The following NRG3 variants were observed in gnomAD, a reference collection of about 807,000 sequenced individuals.
NRG3 encodes neuregulin 3.
A neutral mutation model predicts 66.9 loss-of-function variants in NRG3; 31 were observed. The ratio of observed to expected loss-of-function variants is 0.46; its 90% confidence interval spans 0.35 to 0.63. The LOEUF (loss-of-function observed/expected upper bound fraction) is 0.63, where lower values mean the gene tolerates loss of function less well. Among genes scored for constraint, NRG3 ranks in the 20% least tolerant of loss-of-function variants. The pLI is 0.00. For synonymous variants in NRG3, 393 were observed against 359.4 expected, an observed-to-expected ratio of 1.09 and a Z score of -1.06; for missense variants, 910 against 878.9, an observed-to-expected ratio of 1.04 and a Z score of -0.45.
chr10:82,978,785 A>G (rs1852552818), intron 7 of NRG3, among the ~76,000 whole-genome samples, 165 bp from the exon 8 acceptor site: 1 of 152,208 alleles, frequency 6.6e-6, no homozygotes, highest in Admixed American at 6.5e-5. Context: ...GCTATTCCTG[A>G]TCTCATTCTA....
At chr10:82,723,778 G>A (rs1360228668) in intron 2 of NRG3, among the ~76,000 whole-genome samples, 3 of 151,920 alleles carry the variant, frequency 2.0e-5, no homozygotes, top group Non-Finnish European at 2.9e-5. Flanking sequence ...TCAGGAGTTC[G>A]AGACCAAACT....
At chr10:82,306,141 A>G (rs1393630835) in intron 1 of NRG3, among the ~76,000 whole-genome samples, 1 of 152,216 alleles carries the variant, frequency 6.6e-6, no homozygotes, top group Non-Finnish European at 1.5e-5. Flanking sequence ...ATGACTTTAT[A>G]TAAATAGATC....
chr10:82,016,628 T>G (rs1210640316), intron 1 of NRG3, among the ~76,000 whole-genome samples: 3 of 152,102 alleles, frequency 2.0e-5, no homozygotes, highest in Non-Finnish European at 4.4e-5. Flanking sequence ...TCAGAGATGA[T>G]GCAAATGAAA....
chr10:82,699,598 T>C (rs944934319), intron 2 of NRG3, among the ~76,000 whole-genome samples: 2 of 152,108 alleles, frequency 1.3e-5, no homozygotes, highest in African/African-American at 4.8e-5. Flanking sequence ...ATACTTATTA[T>C]AGCAAATCAT....
chr10:82,458,010 G>A (rs924300285), intron 2 of NRG3, among the ~76,000 whole-genome samples: 1 of 152,226 alleles, frequency 6.6e-6, no homozygotes, highest in African/African-American at 2.4e-5. Context: ...GGCACAGACC[G>A]TGGTGTGTGT....
intron 1 of NRG3, among the ~76,000 whole-genome samples, chr10:82,087,325 C>T (rs560872170): frequency 6.6e-5 from 10 of 152,244 alleles, no homozygotes; most frequent in Admixed American, 5.2e-4. Context: ...TATCTGCCTG[C>T]CCTGCAAAGC....
chr10:82,500,670 T>C (rs1212115689), intron 2 of NRG3, among the ~76,000 whole-genome samples: 1 of 152,208 alleles, frequency 6.6e-6, no homozygotes, highest in African/African-American at 2.4e-5. Context: ...TTGTGTCTGT[T>C]CTAAACAGTG....
At chr10:82,920,322 G>A (rs572579089) in intron 4 of NRG3, among the ~76,000 whole-genome samples, 1 of 152,238 alleles carries the variant, frequency 6.6e-6, no homozygotes, top group South Asian at 2.1e-4. Context: ...GTGGAAGCCA[G>A]ATTTGTTGAA....
chr10:82,502,496 A>C, intron 2 of NRG3, among the ~76,000 whole-genome samples: 1 of 152,210 alleles, frequency 6.6e-6, no homozygotes, highest in East Asian at 1.9e-4. Context: ...GAGCAATTGA[A>C]ATTTTATTAA....
chr10:82,569,109 T>TG (rs2045585233), intron 2 of NRG3, among the ~76,000 whole-genome samples: 1 of 151,754 alleles, frequency 6.6e-6, no homozygotes, highest in African/African-American at 2.4e-5. Flanking sequence ...TTTTTATATA[T>TG]GATGATGTAG....
In NRG3 at chr10:82,562,212, A is replaced by G. The variant is rs367907342; in HGVS notation, c.954-176365A>G. ...AAATGATATTCAATCAACAATCACC[A>G]TCATCTTCGTCTTCATCATAGTTTC... On this transcript the variant is annotated intron_variant, in intron 2 of 8. Coordinates refer to ENST00000372141, the MANE Select transcript of NRG3 (RefSeq NM_001010848.4). 3.9e-5 allele frequency among the ~76,000 whole-genome samples: 6 copies of G among 152,250 alleles called. No homozygotes were observed. The East Asian group carries it at 7.7e-4, about 20-fold the overall frequency.
At chr10:82,915,572 TG>T (rs1845753076) in intron 4 of NRG3, among the ~76,000 whole-genome samples, 1 of 152,196 alleles carries the variant, frequency 6.6e-6, no homozygotes, top group Non-Finnish European at 1.5e-5. Context: ...TTAAATATTG[TG>T]TAATTTTTCT....
At chr10:82,929,704 C>A (rs1009729347) in intron 4 of NRG3, among the ~76,000 whole-genome samples, 3 of 151,826 alleles carry the variant, frequency 2.0e-5, no homozygotes, top group Non-Finnish European at 4.4e-5. Context: ...TGTGGTGAAA[C>A]CCCATGTCTA....
chr10:82,075,790 C>T (rs1481203934), intron 1 of NRG3, among the ~76,000 whole-genome samples: 1 of 151,762 alleles, frequency 6.6e-6, no homozygotes, highest in Non-Finnish European at 1.5e-5. Context: ...AATGACATGT[C>T]TGGGGCAACA....
intron 1 of NRG3, among the ~76,000 whole-genome samples, chr10:81,892,723 TAGAA>T (rs1360945806): frequency 2.0e-5 from 3 of 152,022 alleles, no homozygotes; most frequent in African/African-American, 7.2e-5. Flanking sequence ...TACACAAAAA[TAGAA>T]AGAACGAGTA....
chr10:82,806,043 G>A (rs1027767261), intron 3 of NRG3, among the ~76,000 whole-genome samples: 2 of 152,150 alleles, frequency 1.3e-5, no homozygotes, highest in African/African-American at 4.8e-5. Context: ...ATAGCAAATT[G>A]TATAGAGATT....
chr10:82,230,712 A>G (rs753608286), intron 1 of NRG3, among the ~76,000 whole-genome samples: 3 of 152,186 alleles, frequency 2.0e-5, no homozygotes, highest in Non-Finnish European at 4.4e-5. Flanking sequence ...TCTGAGAATT[A>G]TGTTTACAGA....
intron 3 of NRG3, among the ~76,000 whole-genome samples, chr10:82,797,616 C>T (rs934564260): frequency 1.3e-5 from 2 of 152,066 alleles, no homozygotes; most frequent in Non-Finnish European, 2.9e-5. Context: ...TCATGTCTGC[C>T]CCCAAAGTAC....
chr10:82,129,593 T>C (rs987995399), intron 1 of NRG3, among the ~76,000 whole-genome samples: 1 of 152,146 alleles, frequency 6.6e-6, no homozygotes, highest in Non-Finnish European at 1.5e-5. Flanking sequence ...ATATATATTG[T>C]TGAGATGGAG....
Sources: allele counts gnomAD v4.1 joint callset (sites outside exome capture counted in the v4.1 genomes callset), GRCh38; gene constraint gnomAD v4.1.1; transcripts MANE v1.5; gene names NCBI Gene and HGNC (gene_info 2026-07-23, HGNC 2026-07-21).